The following PRIMPOL variants were observed in gnomAD, a reference collection of about 807,000 sequenced individuals.
The protein encoded by PRIMPOL is DNA-directed primase/polymerase protein.
PRIMPOL carries 54 observed loss-of-function variants against 63.6 expected under a neutral mutation model. The observed-to-expected ratio is 0.85, with a 90% CI of 0.68 to 1.07. PRIMPOL has a LOEUF of 1.07. Among genes scored for constraint, PRIMPOL ranks in the 50% least tolerant of loss-of-function variants. The probability of loss-of-function intolerance (pLI) is 0.00; values close to 1 mark genes in which losing one functional copy is unlikely to be tolerated. For synonymous variants in PRIMPOL, 197 were observed against 220.2 expected (o/e 0.89, Z 0.93); for missense variants, 610 against 648.3 (o/e 0.94, Z 0.64).
intron 3 of PRIMPOL, 120 bp downstream of exon 3, chr4:184,657,440 G>A (rs1198982530): frequency 2.5e-6 from 2 of 810,362 alleles, no homozygotes; most frequent in Non-Finnish European, 3.6e-6. Flanking sequence ...TTCATTTCAG[G>A]CCATGTATTC....
At chr4:184,691,053 T>G (rs1362458685) in intron 11 of PRIMPOL, among the ~76,000 whole-genome samples, 1 of 152,266 alleles carries the variant, frequency 6.6e-6, no homozygotes, top group East Asian at 1.9e-4. Context: ...CATATTTACC[T>G]ATTAGATCAA....
At position 184,682,320 on chromosome 4, in the gene PRIMPOL, C is replaced by G; in HGVS notation, c.1080C>G (p.Asn360Lys). ...QNKQKGVGYF[N>K]SIGTSVETIE... is the part of the protein sequence containing the mutation. Reference sequence around the variant, plus strand: ...AACAAAAAGGAGTTGGATATTTTAACAGTATCGGCACTTCAGGTAAATTTT... The same window carrying G: ...AACAAAAAGGAGTTGGATATTTTAAGAGTATCGGCACTTCAGGTAAATTTT... The change falls in exon 9 of 14, where the codon AAC becomes AAG. Residue 360 changes from asparagine to lysine, a missense_variant. This residue lies in a region of PRIMPOL where 444 missense variants were observed against 456.4 expected (regional missense o/e 0.97). Coordinates refer to ENST00000314970, the MANE Select transcript of PRIMPOL (RefSeq NM_152683.4). The G allele has an allele frequency of 1.3e-6, 2 of 1,583,382 alleles. No individual in the cohort carries two copies. The highest frequency in any genetic ancestry group is 4.5e-5 in the East Asian group (2 of 44,624).
At chr4:184,665,180 C>A (rs550789416) in intron 5 of PRIMPOL, among the ~76,000 whole-genome samples, 1 of 151,764 alleles carries the variant, frequency 6.6e-6, no homozygotes, top group East Asian at 1.9e-4. Context: ...TAAGCAGTTA[C>A]ATGTGCTAAA....
chr4:184,672,071 A>G, intron 6 of PRIMPOL, 102 bp from the exon 7 acceptor site: 1 of 1,109,888 alleles, frequency 9.0e-7, no homozygotes, highest in Non-Finnish European at 1.3e-6. Context: ...AAATCAAAAA[A>G]TGGTTTTCTG....
chr4:184,686,134 G>A (rs1437072120), intron 11 of PRIMPOL, among the ~76,000 whole-genome samples: 1 of 152,190 alleles, frequency 6.6e-6, no homozygotes, highest in Non-Finnish European at 1.5e-5. Context: ...TATATGGTTA[G>A]CATTACATAA....
At chr4:184,676,167 T>A (rs1753264917) in intron 7 of PRIMPOL, among the ~76,000 whole-genome samples, 1 of 151,956 alleles carries the variant, frequency 6.6e-6, no homozygotes, top group Non-Finnish European at 1.5e-5. Flanking sequence ...CAGGCTGAAG[T>A]GCAGTGGTGC....
chr4:184,686,708 G>T (rs1166791188), intron 11 of PRIMPOL, among the ~76,000 whole-genome samples: 1 of 152,136 alleles, frequency 6.6e-6, no homozygotes, highest in Non-Finnish European at 1.5e-5. Context: ...AGCATATGCG[G>T]CCTGTGTGCT....
chr4:184,668,808 C>T (rs953354507), intron 6 of PRIMPOL, among the ~76,000 whole-genome samples: 14 of 152,126 alleles, frequency 9.2e-5, no homozygotes, highest in Non-Finnish European at 8.8e-5. Context: ...TTCTCTAGGG[C>T]AGGGACTGTT....
At position 184,694,705 on chromosome 4, in the gene PRIMPOL, A is replaced by G; in HGVS notation, c.1609A>G (p.Asn537Asp). The G allele has an allele frequency of 6.2e-7, 1 of 1,613,724 alleles. No homozygotes were observed. Among genetic ancestry groups the G allele is most frequent in the Non-Finnish European group, 8.5e-7 (1 of 1,179,616 alleles). ...TGCTGAATTAGCTGAAGCTGCAGAG[A>G]ACAGTCTTCTCAGTTATAACAGTGA... ...EDAELAEAAE[N>D]SLLSYNSEVD... The change falls in exon 14 of 14, where the codon AAC (asparagine) becomes GAC (aspartate). Residue 537 changes from asparagine (N) to aspartate (D), a missense_variant. Asn to Asp is a conservative substitution (Grantham distance 23). Transcript: ENST00000314970.
At chr4:184,653,025 AAAGAAGAGGGAGGGAGGAAGGAAGGAAGG>A (rs72077445) in intron 2 of PRIMPOL, among the ~76,000 whole-genome samples, 441 of 1,332 alleles carry the variant, frequency 0.33, 109 homozygotes, top group Middle Eastern at 1. Context: ...GAAAGAAGGG[AAAGAAGAGGGAGGGAGGAAGGAAGGAAGG>A]AAGAAGGGAA....
chr4:184,682,241 T>C lies in PRIMPOL; in HGVS notation c.1008-7T>C, dbSNP rs750101460. 4 of 1,517,904 alleles carry C rather than the reference T, an allele frequency of 2.6e-6. No homozygotes were observed. In the African/African-American group the frequency reaches 4.1e-5, roughly 16 times the overall value. 94.0% of individuals were successfully genotyped at this position (1,517,904 alleles called of 1,614,324 possible). A position where few individuals can be genotyped will look rare whatever the true frequency, so the allele number is the denominator to read the frequency against. ...TGCTTTGTTTCTTTTACCTATTTCT[T>C]CTTCAGGTTCTCAGATACTTTACGA... On this transcript the variant is annotated splice_polypyrimidine_tract_variant and splice_region_variant and intron_variant, in intron 8 of 13. Transcript: ENST00000314970.
intron 7 of PRIMPOL, among the ~76,000 whole-genome samples, chr4:184,676,088 T>G (rs1490448137): frequency 6.6e-6 from 1 of 152,068 alleles, no homozygotes; most frequent in Non-Finnish European, 1.5e-5. Flanking sequence ...TTCTAAAAAC[T>G]TATTGTTCTG....
At chr4:184,684,588 G>C (rs1756530779) in intron 9 of PRIMPOL, among the ~76,000 whole-genome samples, 1 of 152,152 alleles carries the variant, frequency 6.6e-6, no homozygotes, top group Admixed American at 6.5e-5. Context: ...CCTGTAGCAG[G>C]TCAGCTGAGT....
intron 7 of PRIMPOL, among the ~76,000 whole-genome samples, chr4:184,674,308 A>G (rs1384505510): frequency 6.6e-6 from 1 of 152,164 alleles, no homozygotes; most frequent in Non-Finnish European, 1.5e-5. Context: ...TTTTTGTTGA[A>G]GTATGTGACA....
chr4:184,661,739 A>G (rs1433062324), intron 4 of PRIMPOL, 35 bp from the exon 5 acceptor site: 2 of 1,369,154 alleles, frequency 1.5e-6, no homozygotes, highest in African/African-American at 1.5e-5. Flanking sequence ...AAGGTATAAT[A>G]TATCAATTTA....
intron 8 of PRIMPOL, among the ~76,000 whole-genome samples, chr4:184,680,941 C>T (rs1006838265): frequency 2.0e-5 from 3 of 152,142 alleles, no homozygotes; most frequent in Admixed American, 6.5e-5. Context: ...CTTTCTGCCA[C>T]GTATGGAGAA....
At chr4:184,672,516 C>T (rs1032645595) in intron 7 of PRIMPOL, 56 bp downstream of exon 7, 28 of 1,507,460 alleles carry the variant, frequency 1.9e-5, no homozygotes, top group East Asian at 1.1e-4. Flanking sequence ...TCGTGAGAGA[C>T]GGGTTGGTGC....
intron 6 of PRIMPOL, among the ~76,000 whole-genome samples, chr4:184,666,902 C>G (rs59912967): frequency 0.014 from 2,127 of 152,284 alleles, 61 homozygotes; most frequent in African/African-American, 0.049. Flanking sequence ...AGGAGAAACA[C>G]ATAGTTAGAA....
chr4:184,693,857 CA>C (rs111384510), intron 13 of PRIMPOL, among the ~76,000 whole-genome samples: 4,489 of 152,158 alleles, frequency 0.03, 221 homozygotes, highest in African/African-American at 0.1. Flanking sequence ...TTTTTAATGA[CA>C]GGGGGGTATC....
Sources: allele counts gnomAD v4.1 joint callset (sites outside exome capture counted in the v4.1 genomes callset), GRCh38; gene constraint gnomAD v4.1.1; regional missense constraint gnomAD v4.1.1; transcripts MANE v1.5; gene names NCBI Gene and HGNC (gene_info 2026-07-23, HGNC 2026-07-21).